Variants in IDO2 observed in about 807,000 individuals in gnomAD.
IDO2 encodes indoleamine 2,3-dioxygenase 2, also known as indoleamine 2,3-dioxygenase-like 1 protein.
IDO2 carries 46 observed loss-of-function variants against 45.1 expected under a neutral mutation model. The observed-to-expected ratio is 1.02, with a 90% CI of 0.80 to 1.30. The LOEUF is 1.30. IDO2 is among the 50% of genes most tolerant of loss of function. IDO2 has a pLI of 0.00. For missense variants in IDO2, 544 were observed against 491.8 expected, an observed-to-expected ratio of 1.11 and a Z score of -1.00; for synonymous variants, 218 against 184.9, an observed-to-expected ratio of 1.18 and a Z score of -1.45.
chr8:39,994,807 T>C (rs78565504), intron 8 of IDO2, among the ~76,000 whole-genome samples: 1 of 151,964 alleles, frequency 6.6e-6, no homozygotes, highest in Non-Finnish European at 1.5e-5. Flanking sequence ...ATATTAACCA[T>C]TTAAAAAAAA....
chr8:39,974,844 C>T (rs560871918), intron 3 of IDO2, among the ~76,000 whole-genome samples: 49 of 152,144 alleles, frequency 3.2e-4, no homozygotes, highest in Non-Finnish European at 6.0e-4. Flanking sequence ...TAGCTTGAAC[C>T]CGGGAGGCAG....
rs1250010962 is a variant in IDO2, at chr8:39,949,001, G to A, written c.-17-148G>A. The A allele has an allele frequency of 3.0e-6, 3 of 989,804 alleles. No homozygotes were observed. In the African/African-American group the frequency reaches 5.0e-5, roughly 16 times the overall value. 61.3% of individuals were successfully genotyped at this position (989,804 alleles called of 1,614,324 possible). A position where few individuals can be genotyped will look rare whatever the true frequency, so the allele number is the denominator to read the frequency against. ...ATAATTTACTCAGCCCTGTCTCAGA[G>A]AAAGTCCATGATGATCTGGAATTCA... On this transcript the variant is annotated intron_variant, in intron 1 of 10. Transcript: ENST00000502986.
intron 8 of IDO2, among the ~76,000 whole-genome samples, chr8:40,002,762 A>T (rs1223605326): frequency 6.6e-6 from 1 of 151,932 alleles, no homozygotes; most frequent in Non-Finnish European, 1.5e-5. Flanking sequence ...CCTGGGTGAC[A>T]GAGTGAGGCT....
chr8:39,955,401 C>A (rs1310745866), intron 2 of IDO2, among the ~76,000 whole-genome samples: 1 of 151,510 alleles, frequency 6.6e-6, no homozygotes, highest in South Asian at 2.1e-4. Context: ...ATTACAGGTG[C>A]GGGCCATCAC....
chr8:39,951,509 A>C (rs1807814658), intron 2 of IDO2, among the ~76,000 whole-genome samples: 1 of 152,212 alleles, frequency 6.6e-6, no homozygotes, highest in Non-Finnish European at 1.5e-5. Flanking sequence ...GTTGCACTTA[A>C]TAGCTCTTGT....
intron 2 of IDO2, among the ~76,000 whole-genome samples, chr8:39,960,519 C>T (rs1181496258): frequency 6.6e-6 from 1 of 152,198 alleles, no homozygotes; most frequent in Non-Finnish European, 1.5e-5. Flanking sequence ...TGCAAATTCC[C>T]TACTGCCTTA....
At chr8:39,953,266 C>T (rs985182401) in intron 2 of IDO2, among the ~76,000 whole-genome samples, 1 of 152,118 alleles carries the variant, frequency 6.6e-6, no homozygotes, top group African/African-American at 2.4e-5. Context: ...GAGTTTTCCT[C>T]AAAGAATGTT....
At chr8:39,992,629 A>G (rs569570265) in intron 8 of IDO2, among the ~76,000 whole-genome samples, 1 of 152,344 alleles carries the variant, frequency 6.6e-6, no homozygotes, top group South Asian at 2.1e-4. Context: ...TGCAAGATTT[A>G]AGGAATCACC....
chr8:39,947,799 T>C (rs866495601), intron 1 of IDO2, among the ~76,000 whole-genome samples: 3,996 of 152,052 alleles, frequency 0.026, 175 homozygotes, highest in African/African-American at 0.09. Context: ...TTTTTTTTTT[T>C]TTTTCGAGAT....
intron 7 of IDO2, among the ~76,000 whole-genome samples, chr8:39,989,441 G>A (rs186488824): frequency 0.029 from 4,340 of 152,270 alleles, 193 homozygotes; most frequent in African/African-American, 0.096. Context: ...ACAAATCCGA[G>A]AGAAGAAGAG....
At chr8:39,952,163 T>C (rs1355813606) in intron 2 of IDO2, among the ~76,000 whole-genome samples, 3 of 152,170 alleles carry the variant, frequency 2.0e-5, no homozygotes, top group Non-Finnish European at 4.4e-5. Context: ...TGCCCCAGGT[T>C]GCTTCACAGA....
chr8:39,962,028 A>G (rs1464479690), intron 2 of IDO2, among the ~76,000 whole-genome samples: 1 of 152,206 alleles, frequency 6.6e-6, no homozygotes, highest in Non-Finnish European at 1.5e-5. Flanking sequence ...TCCTGCTGTA[A>G]TGTAAAAGCA....
intron 8 of IDO2, among the ~76,000 whole-genome samples, chr8:40,000,371 C>G (rs1301421625): frequency 6.6e-6 from 1 of 151,450 alleles, no homozygotes; most frequent in Admixed American, 6.6e-5. Context: ...GATCGTGCCA[C>G]TGCACTCCAG....
At chr8:39,990,474 G>T (rs1166603222) in intron 8 of IDO2, among the ~76,000 whole-genome samples, 1 of 152,180 alleles carries the variant, frequency 6.6e-6, no homozygotes, top group Non-Finnish European at 1.5e-5. Flanking sequence ...CTTTTCCAAA[G>T]GACTGAAAAA....
chr8:40,015,168 TAAA>T (rs1802368479), intron 10 of IDO2, 76 bp from the exon 11 acceptor site: 25 of 841,050 alleles, frequency 3.0e-5, no homozygotes, highest in South Asian at 2.2e-4. Flanking sequence ...AAAAAAAAAA[TAAA>T]AAAGAAGAAG....
intron 8 of IDO2, among the ~76,000 whole-genome samples, chr8:40,004,560 T>TAGATAGAC (rs1467655082): frequency 1.4e-4 from 22 of 151,740 alleles, no homozygotes; most frequent in African/African-American, 4.9e-4. Context: ...GATAGATAGA[T>TAGATAGAC]AGATAGACGA....
At chr8:40,012,647 G>T (rs576911106) in intron 9 of IDO2, among the ~76,000 whole-genome samples, 1 of 152,196 alleles carries the variant, frequency 6.6e-6, no homozygotes, top group Admixed American at 6.6e-5. Context: ...TCAGACACAG[G>T]AAAATAAGTA....
rs140358052 is a variant in IDO2, at chr8:40,000,581, C to T, written c.668-4746C>T. 1.0e-3 allele frequency among the ~76,000 whole-genome samples: 157 copies of T among 152,228 alleles called. 4 individuals are homozygous for T. In the East Asian group the frequency reaches 0.025, roughly 25 times the overall value. ...TCATATAGACATAGCACATTTTCAC[C>T]ACTATATAGCAGCATTTTGTACAAA... On this transcript the variant is annotated intron_variant, in intron 8 of 10. Transcript: ENST00000502986.
intron 2 of IDO2, among the ~76,000 whole-genome samples, chr8:39,953,179 G>T (rs1405707979): frequency 6.6e-6 from 1 of 152,160 alleles, no homozygotes; most frequent in Non-Finnish European, 1.5e-5. Flanking sequence ...TGGGATTACA[G>T]GCATGAGCCA....
Sources: allele counts gnomAD v4.1 joint callset (sites outside exome capture counted in the v4.1 genomes callset), GRCh38; gene constraint gnomAD v4.1.1; transcripts MANE v1.5; gene names NCBI Gene and HGNC (gene_info 2026-07-23, HGNC 2026-07-21).